The following FCHSD1 variants were observed in gnomAD, a reference collection of about 807,000 sequenced individuals.
FCHSD1 encodes the protein F-BAR and double SH3 domains protein 1.
In FCHSD1, 109 loss-of-function variants were observed where a neutral mutation model predicts 101.3. The observed-to-expected ratio is 1.08, with a 90% CI of 0.92 to 1.26. The LOEUF (loss-of-function observed/expected upper bound fraction) is 1.26. Among genes scored for constraint, FCHSD1 ranks in the 50% most tolerant of loss-of-function variants. The pLI is 0.00. For synonymous variants in FCHSD1, 291 were observed against 356.8 expected (o/e 0.82, Z 2.08); for missense variants, 820 against 895.8 (o/e 0.92, Z 1.08).
Position 141,645,913 on chromosome 5 carries a change from GC to G in FCHSD1, c.1168del (p.Ala390LeufsTer12). 6.4e-7 allele frequency: 1 copy of G among 1,569,666 alleles called. No individual in the cohort carries two copies. The highest frequency in any genetic ancestry group is 1.2e-5 in the South Asian group (1 of 86,034). On this transcript the variant is annotated frameshift_variant, in exon 13 of 20. Coordinates refer to ENST00000435817, the MANE Select transcript of FCHSD1 (RefSeq NM_033449.3). LOFTEE classifies it high-confidence loss of function. ...CCCCTGCAGCAGGGCCAGCCGGGCA[GC>G]CCCCTTCACCTGGCTCACCTGCCAT... ...RRAQVSQVKG[A>X]ARLALLQGAG...
chr5:141,649,459 G>C lies in FCHSD1; in HGVS notation c.311C>G (p.Ser104Cys). 6.2e-7 allele frequency: 1 copy of C among 1,613,988 alleles called. No homozygotes were observed. The highest frequency in any genetic ancestry group is 8.5e-7 in the Non-Finnish European group (1 of 1,179,894). The change falls in exon 5 of 20, where the codon TCT becomes TGT. Residue 104 changes from serine (S) to cysteine (C), a missense_variant. Coordinates refer to ENST00000435817, the MANE Select transcript of FCHSD1 (RefSeq NM_033449.3). This position sits in a 1 kb window ranked among gnomAD's most constrained non-coding sequence, Gnocchi z 4.1. ...VAGGQTRLQA[S>C]DRYRDLAGGT... is the part of the protein sequence containing the mutation. ...CCCTGCTAGGTCACGGTATCGGTCA[G>C]ACGCCTGGAGTCGGGTTTGGCCCCC...
At position 141,649,164 on chromosome 5, in the gene FCHSD1, G is replaced by A; in HGVS notation, c.512+8C>T. The stretch of plus-strand genomic sequence containing the variant: ...AACCTTGGGCTTCCTCACTCTCCAT[G>A]ACCCCACCTGGCCTGGACATCAGCC... On this transcript the variant is annotated splice_region_variant and intron_variant, in intron 6 of 19. Coordinates refer to ENST00000435817, the MANE Select transcript of FCHSD1 (RefSeq NM_033449.3). This position sits in a 1 kb window ranked among gnomAD's most constrained non-coding sequence, Gnocchi z 4.1. 5 of 1,613,846 alleles carry A rather than the reference G, an allele frequency of 3.1e-6. No individual in the cohort carries two copies. The highest frequency in any genetic ancestry group is 4.2e-6 in the Non-Finnish European group (5 of 1,179,852).
At chr5:141,644,539 C>T (rs777093168) in intron 16 of FCHSD1, 34 bp downstream of exon 16, 1 of 1,611,808 alleles carries the variant, frequency 6.2e-7, no homozygotes, top group East Asian at 2.2e-5. Context: ...TCTCCATACC[C>T]AGGGTCCTCT....
At position 141,651,025 on chromosome 5, in the gene FCHSD1, G is replaced by T. The variant is rs1429714714; in HGVS notation, c.114C>A (p.Asp38Glu). 3 of 1,586,768 alleles carry T rather than the reference G, an allele frequency of 1.9e-6. No homozygotes were observed. Among genetic ancestry groups the T allele is most frequent in the Non-Finnish European group, 1.7e-6 (2 of 1,165,810 alleles). Residue 38 changes from aspartate to glutamate, a missense_variant, in exon 2 of 20, where the codon GAC (aspartate) becomes GAA (glutamate). Asp to Glu is a conservative substitution (Grantham distance 45). Coordinates refer to ENST00000435817, the MANE Select transcript of FCHSD1 (RefSeq NM_033449.3). ...WQQREADLLE[D>E]IRSYSKQRAA... ...AAGGGGGTTGGGGGAGCTACCTGAT[G>T]TCCTCCAGCAGATCCGCCTCCCTCT...
At chr5:141,646,489 C>T (rs1277856131) in intron 11 of FCHSD1, 114 bp downstream of exon 11, 5 of 1,440,032 alleles carry the variant, frequency 3.5e-6, no homozygotes, top group East Asian at 2.5e-5. Flanking sequence ...CTTAAAATAC[C>T]TTTCCCTCCC....
Position 141,640,023 on chromosome 5 carries a change from G to C in FCHSD1, c.*1475C>G, listed in dbSNP as rs2099906651. 6.2e-7 allele frequency: 1 copy of C among 1,613,528 alleles called. No individual in the cohort carries two copies. Among genetic ancestry groups the C allele is most frequent in the Non-Finnish European group, 8.5e-7 (1 of 1,179,774 alleles). On this transcript the variant is annotated 3_prime_UTR_variant, in exon 20 of 20. Transcript: ENST00000435817. ...CTCTGGTGGGGGACAGGACCCAGGG[G>C]GTGGTCAGGGGTCTGGGGGAGGGCA...
At chr5:141,643,518 T>A (rs2099907242) in intron 17 of FCHSD1, among the ~76,000 whole-genome samples, 1 of 152,166 alleles carries the variant, frequency 6.6e-6, no homozygotes, top group South Asian at 2.1e-4. Flanking sequence ...ACAACAGATA[T>A]CTTATATTGA....
chr5:141,644,762 A>C (rs2099907443), intron 15 of FCHSD1, 72 bp from the exon 16 acceptor site: 1 of 1,606,412 alleles, frequency 6.2e-7, no homozygotes, highest in Non-Finnish European at 8.5e-7. Flanking sequence ...TCTTCTACTC[A>C]GGCTTCTAGC....
rs910125612 is a variant in FCHSD1 at position 141,641,176 on chromosome 5, G to A, written c.*322C>T. On this transcript the variant is annotated 3_prime_UTR_variant, in exon 20 of 20. Transcript: ENST00000435817. ...GTGGGGTGGGTCATGGAGCCAGGGTGGGGAAAGAGGTGGGCCAGAACTACT... is the reference window on the plus strand; with the variant it reads ...GTGGGGTGGGTCATGGAGCCAGGGTAGGGAAAGAGGTGGGCCAGAACTACT... 14 of 346,626 alleles carry A rather than the reference G, an allele frequency of 4.0e-5. No homozygotes were observed. Among genetic ancestry groups the A allele is most frequent in the African/African-American group, 1.5e-4 (7 of 47,680 alleles). The allele number at this position is 346,626 out of a possible 1,614,324, so 21.5% of individuals were successfully genotyped here.
intron 2 of FCHSD1, among the ~76,000 whole-genome samples, chr5:141,650,634 TC>T (rs1407275015): frequency 6.6e-6 from 1 of 151,866 alleles, no homozygotes; most frequent in Non-Finnish European, 1.5e-5. Context: ...AGCAGGATCC[TC>T]CCCACCCCAG....
At chr5:141,643,501 C>T (rs993542956) in intron 17 of FCHSD1, among the ~76,000 whole-genome samples, 4 of 152,210 alleles carry the variant, frequency 2.6e-5, no homozygotes, top group Non-Finnish European at 4.4e-5. Flanking sequence ...TATGTATATA[C>T]ATTATAACAA....
intron 10 of FCHSD1, 61 bp from the exon 11 acceptor site, chr5:141,646,783 TC>T: frequency 6.4e-7 from 1 of 1,572,834 alleles, no homozygotes; most frequent in Non-Finnish European, 8.6e-7. Flanking sequence ...TCCAGTTCCC[TC>T]CTTTTTCCAC....
At position 141,640,009 on chromosome 5, in the gene FCHSD1, G is replaced by C; in HGVS notation, c.*1489C>G. Reference sequence around the variant, plus strand: ...GACAGGAGCTGGGGCTCTGGTGGGGGACAGGACCCAGGGGGTGGTCAGGGG... The same window carrying C: ...GACAGGAGCTGGGGCTCTGGTGGGGCACAGGACCCAGGGGGTGGTCAGGGG... On this transcript the variant is annotated 3_prime_UTR_variant, in exon 20 of 20. Coordinates refer to ENST00000435817, the MANE Select transcript of FCHSD1 (RefSeq NM_033449.3). The C allele has an allele frequency of 3.7e-6, 6 of 1,613,604 alleles. No homozygotes were observed. Among genetic ancestry groups the C allele is most frequent in the Non-Finnish European group, 5.1e-6 (6 of 1,179,776 alleles).
Position 141,651,378 on chromosome 5 carries a change from A to G in FCHSD1, c.-10T>C. 6.4e-7 allele frequency: 1 copy of G among 1,552,592 alleles called. No homozygotes were observed. The highest frequency in any genetic ancestry group is 8.7e-7 in the Non-Finnish European group (1 of 1,147,684). On this transcript the variant is annotated 5_prime_UTR_variant, in exon 1 of 20. Coordinates refer to ENST00000435817, the MANE Select transcript of FCHSD1 (RefSeq NM_033449.3). Reference sequence around the variant, plus strand: ...GGGGCGGCGGCTGCATCTCCGCTCCAGCAAGGCGGTCAGCCACTGGACTCC... The same window carrying G: ...GGGGCGGCGGCTGCATCTCCGCTCCGGCAAGGCGGTCAGCCACTGGACTCC...
Position 141,640,136 on chromosome 5 carries a change from A to T in FCHSD1, c.*1362T>A. On this transcript the variant is annotated 3_prime_UTR_variant, in exon 20 of 20. Transcript: ENST00000435817. ...TAGCCAGCCCCCCAGTACAGAATGG[A>T]GGACTCAGGGACAGCAGCCTAACCC... 1 of 1,614,078 alleles carries T rather than the reference A, an allele frequency of 6.2e-7. No homozygotes were observed. The highest frequency in any genetic ancestry group is 1.1e-5 in the South Asian group (1 of 91,088).
At chr5:141,650,137 T>G (rs1218262998) in intron 3 of FCHSD1, among the ~76,000 whole-genome samples, 183 bp from the exon 4 acceptor site, 3 of 152,184 alleles carry the variant, frequency 2.0e-5, no homozygotes, top group African/African-American at 7.2e-5. Context: ...AGGTAAGGTA[T>G]TATTATTATT....
Position 141,647,806 on chromosome 5 carries a change from GC to G in FCHSD1, c.705+161del, listed in dbSNP as rs1596465553. On this transcript the variant is annotated intron_variant, in intron 8 of 19. Coordinates refer to ENST00000435817, the MANE Select transcript of FCHSD1 (RefSeq NM_033449.3). ...GTTTAAGTGTACTGTACAATGCCAT[GC>G]AGCCAGCTAGGAGCAGAACCAGAGT... 2.2e-5 allele frequency: 25 copies of G among 1,132,286 alleles called. No individual in the cohort carries two copies. The East Asian group carries it at 6.5e-4, about 29-fold the overall frequency. 70.1% of individuals were successfully genotyped at this position (1,132,286 alleles called of 1,614,324 possible).
chr5:141,642,123 G>T (rs2099906990), intron 18 of FCHSD1: 1 of 502,918 alleles, frequency 2.0e-6, no homozygotes, highest in Non-Finnish European at 3.5e-6. Flanking sequence ...TTGTGGACAA[G>T]GTGGAAGTAC....
In FCHSD1 at chr5:141,649,592, A is replaced by AC; in HGVS notation, c.234-57dup. ...GAGCACTCCACAGCTTCATGAGACC[A>AC]CCCCCACCCCCTGCCCCCTGACCAA... On this transcript the variant is annotated intron_variant, in intron 4 of 19. Transcript: ENST00000435817. This position sits in a 1 kb window ranked among gnomAD's most constrained non-coding sequence, Gnocchi z 4.1. 3.2e-6 allele frequency: 5 copies of AC among 1,558,412 alleles called. No homozygotes were observed. The highest frequency in any genetic ancestry group is 4.3e-6 in the Non-Finnish European group (5 of 1,155,146).
Sources: allele counts gnomAD v4.1 joint callset (sites outside exome capture counted in the v4.1 genomes callset), GRCh38; gene constraint gnomAD v4.1.1; non-coding constraint Gnocchi (gnomAD v3.1); transcripts MANE v1.5; gene names NCBI Gene and HGNC (gene_info 2026-07-23, HGNC 2026-07-21).